The following TDRP variants were observed in gnomAD, a reference collection of about 807,000 sequenced individuals.
TDRP encodes testis development related protein, also known as testis development-related protein.
In TDRP, 12 loss-of-function variants were observed where a neutral mutation model predicts 10.5. That is an observed-to-expected ratio of 1.15 (90% CI 0.73 to 1.86). The LOEUF is 1.86. Ranked by LOEUF, TDRP falls within the 40% of genes most tolerant of loss-of-function variation. TDRP has a pLI of 0.00. For synonymous variants in TDRP, 139 were observed against 95.4 expected (o/e 1.46, Z -2.67); for missense variants, 353 against 229.2 (o/e 1.54, Z -3.49).
Position 490,914 on chromosome 8 carries a change from A to G in TDRP, c.*1485T>C, listed in dbSNP as rs1246429729. ...AAGTAGATGATTGACAGAAGGCTAG[A>G]TGGATGTAGACTGAGAGAAGACAGA... On this transcript the variant is annotated 3_prime_UTR_variant, in exon 3 of 3. Coordinates refer to ENST00000324079, the MANE Select transcript of TDRP (RefSeq NM_001384899.1). The G allele has an allele frequency of 6.6e-6, 1 of 152,214 alleles. No individual in the cohort carries two copies. Among genetic ancestry groups the G allele is most frequent in the Non-Finnish European group, 1.5e-5 (1 of 68,034 alleles). 9.4% of individuals were successfully genotyped at this position (152,214 alleles called of 1,614,324 possible). A position where few individuals can be genotyped will look rare whatever the true frequency, so the allele number is the denominator to read the frequency against.
At chr8:516,906 T>C (rs887948991) in intron 1 of TDRP, among the ~76,000 whole-genome samples, 3 of 152,178 alleles carry the variant, frequency 2.0e-5, no homozygotes, top group Admixed American at 6.5e-5. Context: ...ATCCAGATGA[T>C]AGAATACTAT....
intron 1 of TDRP, among the ~76,000 whole-genome samples, chr8:512,480 C>A (rs1043348391): frequency 6.6e-6 from 1 of 150,942 alleles, no homozygotes; most frequent in Non-Finnish European, 1.5e-5. Context: ...TGAAACTGAC[C>A]AAGAAAAAAG....
intron 1 of TDRP, among the ~76,000 whole-genome samples, chr8:505,615 G>T (rs1444239661): frequency 6.6e-6 from 1 of 152,186 alleles, no homozygotes; most frequent in Non-Finnish European, 1.5e-5. Context: ...AGGCCATGAA[G>T]ATCTCCAGCC....
chr8:512,700 G>A (rs747373249), intron 1 of TDRP, among the ~76,000 whole-genome samples: 4 of 152,078 alleles, frequency 2.6e-5, no homozygotes, highest in South Asian at 2.1e-4. Context: ...GAGACCAGGT[G>A]CAGTGGTCTC....
chr8:525,183 G>T (rs1267161287), intron 1 of TDRP, among the ~76,000 whole-genome samples: 1 of 152,018 alleles, frequency 6.6e-6, no homozygotes, highest in African/African-American at 2.4e-5. Flanking sequence ...AAGTGCTGAA[G>T]GAAAAACATT....
At position 544,742 on chromosome 8, in the gene TDRP, G is replaced by C; in HGVS notation, c.16C>G (p.Arg6Gly). The C allele has an allele frequency of 8.1e-7, 1 of 1,239,672 alleles. No homozygotes were observed. Among genetic ancestry groups the C allele is most frequent in the Non-Finnish European group, 1.0e-6 (1 of 990,254 alleles). The allele number at this position is 1,239,672 out of a possible 1,614,324, so 76.8% of individuals were successfully genotyped here. Residue 6 changes from arginine to glycine, a missense_variant, in exon 1 of 3, where the codon CGG becomes GGG. Coordinates refer to ENST00000324079, the MANE Select transcript of TDRP (RefSeq NM_001384899.1). MWKLG[R>G]GRVLLDEPPE... ...GGCTCGTCCAGCAGCACTCGGCCCC[G>C]GCCCAGCTTCCACATGGTCAGGCGG...
intron 2 of TDRP, among the ~76,000 whole-genome samples, chr8:493,444 G>C (rs1801036725): frequency 1.3e-5 from 2 of 152,242 alleles, no homozygotes; most frequent in South Asian, 2.1e-4. Context: ...CTCCGCCAGA[G>C]CACGAAGGGC....
intron 1 of TDRP, among the ~76,000 whole-genome samples, chr8:523,260 C>G (rs746229579): frequency 9.9e-5 from 15 of 151,988 alleles, no homozygotes; most frequent in Non-Finnish European, 1.9e-4. Flanking sequence ...TTAACTTAAC[C>G]CCGCATATAA....
chr8:504,617 G>A (rs1484697481), intron 1 of TDRP, among the ~76,000 whole-genome samples: 1 of 151,854 alleles, frequency 6.6e-6, no homozygotes. Context: ...AATATCTGCA[G>A]TTTTGGGAAT....
chr8:507,678 T>C (rs888703422), intron 1 of TDRP, among the ~76,000 whole-genome samples: 14 of 152,076 alleles, frequency 9.2e-5, no homozygotes, highest in African/African-American at 3.1e-4. Flanking sequence ...AATTGACTTC[T>C]CTAAAATAAT....
intron 1 of TDRP, among the ~76,000 whole-genome samples, chr8:518,564 A>G (rs1257891005): frequency 1.3e-5 from 2 of 152,188 alleles, no homozygotes; most frequent in African/African-American, 4.8e-5. Context: ...AAAGAACAAA[A>G]GTCTAGGAAA....
At chr8:529,736 G>A (rs1336154553) in intron 1 of TDRP, among the ~76,000 whole-genome samples, 1 of 152,148 alleles carries the variant, frequency 6.6e-6, no homozygotes, top group African/African-American at 2.4e-5. Context: ...CAAATCTGCT[G>A]ATAATCTTAT....
chr8:523,453 G>A (rs1801957840), intron 1 of TDRP, among the ~76,000 whole-genome samples: 1 of 152,078 alleles, frequency 6.6e-6, no homozygotes, highest in South Asian at 2.1e-4. Context: ...ATCAGCTTGG[G>A]TACCAGCTCA....
intron 1 of TDRP, among the ~76,000 whole-genome samples, chr8:505,584 A>G (rs1368163207): frequency 6.6e-6 from 1 of 152,186 alleles, no homozygotes; most frequent in African/African-American, 2.4e-5. Context: ...GCCTCCATCA[A>G]CTTCCAGCCA....
At chr8:512,802 T>C (rs1223992000) in intron 1 of TDRP, among the ~76,000 whole-genome samples, 1 of 151,734 alleles carries the variant, frequency 6.6e-6, no homozygotes. Flanking sequence ...CAAAACCCCA[T>C]CTCTAATAAA....
chr8:503,870 C>T (rs564014663), intron 1 of TDRP, among the ~76,000 whole-genome samples: 104 of 147,326 alleles, frequency 7.1e-4, no homozygotes, highest in Non-Finnish European at 1.2e-3. Flanking sequence ...CACACCAACA[C>T]GGAATCCAGA....
chr8:517,408 G>A (rs1801786264), intron 1 of TDRP, among the ~76,000 whole-genome samples: 1 of 152,170 alleles, frequency 6.6e-6, no homozygotes, highest in Admixed American at 6.5e-5. Context: ...ACCGTTTAAG[G>A]TCTGCTAAGA....
intron 1 of TDRP, among the ~76,000 whole-genome samples, chr8:509,180 C>G (rs1801545100): frequency 6.6e-6 from 1 of 152,194 alleles, no homozygotes; most frequent in Admixed American, 6.5e-5. Flanking sequence ...TGCAGCTTTT[C>G]CAGGCATATG....
intron 1 of TDRP, among the ~76,000 whole-genome samples, chr8:524,004 G>A (rs1026459650): frequency 8.5e-5 from 13 of 152,224 alleles, no homozygotes; most frequent in Admixed American, 7.2e-4. Flanking sequence ...GAGATCCAGA[G>A]CTGTCCTAGC....
Sources: gnomAD v4.1 joint callset for allele counts (sites outside exome capture counted in the v4.1 genomes callset) on GRCh38, gnomAD v4.1.1 for gene constraint, MANE v1.5 for transcripts, NCBI Gene and HGNC (gene_info 2026-07-23, HGNC 2026-07-21) for gene names.